GALNTL6: variants seen among roughly 807,000 people sequenced by gnomAD.
GALNTL6 encodes the protein polypeptide N-acetylgalactosaminyltransferase like 6, also known as polypeptide N-acetylgalactosaminyltransferase-like 6.
GALNTL6 carries 46 observed loss-of-function variants against 73.7 expected under a neutral mutation model. That is an observed-to-expected ratio of 0.62 (90% CI 0.49 to 0.80). The LOEUF (loss-of-function observed/expected upper bound fraction) is 0.80. Among genes scored for constraint, GALNTL6 ranks in the 30% least tolerant of loss-of-function variants. GALNTL6 has a pLI of 0.00. For missense variants in GALNTL6, 604 were observed against 755.0 expected (o/e 0.80, Z 2.34); for synonymous variants, 259 against 263.7 (o/e 0.98, Z 0.17).
chr4:172,524,459 C>CA (rs1397731888), intron 5 of GALNTL6, among the ~76,000 whole-genome samples: 1 of 152,024 alleles, frequency 6.6e-6, no homozygotes, highest in East Asian at 1.9e-4. Context: ...CCATATTGGC[C>CA]AGGCTGGAAG....
chr4:172,102,764 T>TAGC (rs1732554243), intron 2 of GALNTL6, among the ~76,000 whole-genome samples: 1 of 152,196 alleles, frequency 6.6e-6, no homozygotes, highest in Non-Finnish European at 1.5e-5. Context: ...ACATTCTTAC[T>TAGC]CTGACACTTC....
chr4:172,526,533 C>T (rs1252282660), intron 5 of GALNTL6, among the ~76,000 whole-genome samples: 4 of 152,144 alleles, frequency 2.6e-5, no homozygotes, highest in Non-Finnish European at 5.9e-5. Flanking sequence ...TTAAATATAG[C>T]ATCTATATAT....
At chr4:172,929,436 C>A (rs1396579899) in intron 8 of GALNTL6, among the ~76,000 whole-genome samples, 1 of 152,064 alleles carries the variant, frequency 6.6e-6, no homozygotes. Context: ...CCAGAGAAAC[C>A]AAACCAAGGG....
intron 3 of GALNTL6, among the ~76,000 whole-genome samples, chr4:172,242,735 T>G (rs936334403): frequency 1.3e-5 from 2 of 151,736 alleles, no homozygotes; most frequent in African/African-American, 4.8e-5. Context: ...TACTTTTAAA[T>G]GCCAAATACT....
chr4:171,952,425 A>G (rs1738913008), intron 2 of GALNTL6, among the ~76,000 whole-genome samples: 1 of 152,018 alleles, frequency 6.6e-6, no homozygotes, highest in African/African-American at 2.4e-5. Flanking sequence ...ATACAATATG[A>G]GAAAAAAATT....
At position 172,952,214 on chromosome 4, in the gene GALNTL6, A is replaced by G. The variant is rs1749483716; in HGVS notation, c.1327A>G (p.Lys443Glu). Residue 443 changes from lysine (K) to glutamate (E), a missense_variant, in exon 10 of 13, where the codon AAA becomes GAA. Physicochemically the swap from Lys to Glu is moderately conservative, Grantham distance 56. This residue lies in a region of GALNTL6 where 261 missense variants were observed against 296.5 expected (regional missense o/e 0.88). Coordinates refer to ENST00000506823, the MANE Select transcript of GALNTL6 (RefSeq NM_001034845.3). ...FMAAVAWDVP[K>E]YYPPVEPPPA... ...GGCTGCTGTGGCCTGGGACGTGCCT[A>G]AATACTACCCTCCAGTGGAGCCCCC... 6.2e-7 allele frequency: 1 copy of G among 1,613,902 alleles called. No individual in the cohort carries two copies. Among genetic ancestry groups the G allele is most frequent in the Non-Finnish European group, 8.5e-7 (1 of 1,179,982 alleles).
chr4:171,943,051 T>A (rs150819906), intron 2 of GALNTL6, among the ~76,000 whole-genome samples: 1 of 152,320 alleles, frequency 6.6e-6, no homozygotes, highest in African/African-American at 2.4e-5. Flanking sequence ...TTTTCCATAG[T>A]TTCTCTCAAG....
At chr4:171,914,500 G>A (rs984454414) in intron 2 of GALNTL6, among the ~76,000 whole-genome samples, 3 of 143,610 alleles carry the variant, frequency 2.1e-5, no homozygotes, top group East Asian at 4.1e-4. Flanking sequence ...GTGTGATCTC[G>A]GCTCACTGCA....
At chr4:172,685,396 A>G (rs1176352585) in intron 5 of GALNTL6, among the ~76,000 whole-genome samples, 2 of 152,204 alleles carry the variant, frequency 1.3e-5, no homozygotes, top group African/African-American at 4.8e-5. Context: ...GGAGAGATCT[A>G]TAGAAAATGT....
At chr4:172,247,132 A>C (rs1737689122) in intron 3 of GALNTL6, among the ~76,000 whole-genome samples, 1 of 152,046 alleles carries the variant, frequency 6.6e-6, no homozygotes, top group South Asian at 2.1e-4. Flanking sequence ...ATAAAGTCTT[A>C]CCATACTTCT....
intron 8 of GALNTL6, among the ~76,000 whole-genome samples, chr4:172,888,381 G>A (rs1469561615): frequency 6.6e-6 from 1 of 152,184 alleles, no homozygotes; most frequent in Non-Finnish European, 1.5e-5. Flanking sequence ...AGAAGTAGGA[G>A]TCCAGTTTCA....
chr4:172,339,257 C>CACACACA (rs1183829946), intron 4 of GALNTL6, among the ~76,000 whole-genome samples: 3 of 121,004 alleles, frequency 2.5e-5, no homozygotes, highest in East Asian at 2.8e-4. Context: ...CACACACACA[C>CACACACA]CACACACACA....
At chr4:172,608,391 T>G (rs575984806) in intron 5 of GALNTL6, among the ~76,000 whole-genome samples, 1 of 152,286 alleles carries the variant, frequency 6.6e-6, no homozygotes, top group East Asian at 1.9e-4. Context: ...TAGAGAATTC[T>G]TTTCCCATTG....
At chr4:172,229,971 T>C (rs1484326607) in intron 3 of GALNTL6, among the ~76,000 whole-genome samples, 1 of 152,112 alleles carries the variant, frequency 6.6e-6, no homozygotes, top group Non-Finnish European at 1.5e-5. Context: ...TTAGCTGTGG[T>C]AAAAGTCATT....
At chr4:171,927,874 T>C (rs577942097) in intron 2 of GALNTL6, among the ~76,000 whole-genome samples, 1 of 152,318 alleles carries the variant, frequency 6.6e-6, no homozygotes, top group East Asian at 1.9e-4. Context: ...CACACAAAGT[T>C]CTTTCTTTAC....
At chr4:171,932,559 T>C (rs1352796539) in intron 2 of GALNTL6, among the ~76,000 whole-genome samples, 1 of 152,184 alleles carries the variant, frequency 6.6e-6, no homozygotes, top group East Asian at 1.9e-4. Flanking sequence ...CAGCAGAGGC[T>C]CTGTATGGCT....
chr4:171,975,552 G>A (rs1038927045), intron 2 of GALNTL6, among the ~76,000 whole-genome samples: 1 of 142,466 alleles, frequency 7.0e-6, no homozygotes, highest in African/African-American at 3.0e-5. Context: ...ACTGGGGCTA[G>A]TTTTTCATTG....
intron 2 of GALNTL6, among the ~76,000 whole-genome samples, chr4:172,050,450 G>A (rs1579089091): frequency 6.6e-6 from 1 of 152,270 alleles, no homozygotes; most frequent in East Asian, 1.9e-4. Flanking sequence ...AAAAAGAGAA[G>A]CTTTGTTTAA....
intron 2 of GALNTL6, among the ~76,000 whole-genome samples, chr4:171,897,068 A>T (rs1162560942): frequency 6.6e-6 from 1 of 152,058 alleles, no homozygotes; most frequent in Non-Finnish European, 1.5e-5. Flanking sequence ...TACAGACCTC[A>T]TTTTTATCTA....
Sources: allele counts gnomAD v4.1 joint callset (sites outside exome capture counted in the v4.1 genomes callset), GRCh38; gene constraint gnomAD v4.1.1; regional missense constraint gnomAD v4.1.1; transcripts MANE v1.5; gene names NCBI Gene and HGNC (gene_info 2026-07-23, HGNC 2026-07-21).